Variants in NRXN1 observed in about 807,000 individuals in gnomAD.
NRXN1 encodes neurexin-1.
A neutral mutation model predicts 150.9 loss-of-function variants in NRXN1; 39 were observed. The observed-to-expected ratio is 0.26, with a 90% CI of 0.20 to 0.34. The LOEUF (loss-of-function observed/expected upper bound fraction) is 0.34, where lower values mean the gene tolerates loss of function less well. Among genes scored for constraint, NRXN1 ranks in the 10% least tolerant of loss-of-function variants. The probability of loss-of-function intolerance (pLI) is 1.00; values close to 1 mark genes in which losing one functional copy is unlikely to be tolerated. For synonymous variants in NRXN1, 924 were observed against 757.0 expected, an observed-to-expected ratio of 1.22 and a Z score of -3.62; for missense variants, 1,815 against 1,949.9, an observed-to-expected ratio of 0.93 and a Z score of 1.30.
chr2:50,112,404 G>T (rs1702492414), intron 18 of NRXN1, among the ~76,000 whole-genome samples: 1 of 152,142 alleles, frequency 6.6e-6, no homozygotes, highest in African/African-American at 2.4e-5. Flanking sequence ...ACTGAAGCTG[G>T]TCCCTTCGTT....
chr2:50,942,935 C>T (rs1005782888), intron 2 of NRXN1, among the ~76,000 whole-genome samples: 2 of 152,132 alleles, frequency 1.3e-5, no homozygotes, highest in African/African-American at 4.8e-5. Context: ...CTGTGTCCCA[C>T]CCAAACCTTA....
At chr2:50,802,500 TGGAAGGAAGGAAGGAAGGA>T (rs1388653630) in intron 5 of NRXN1, among the ~76,000 whole-genome samples, 1 of 88,330 alleles carries the variant, frequency 1.1e-5, no homozygotes, top group African/African-American at 4.2e-5. Context: ...GAAAGAGAAA[TGGAAGGAAGGAAGGAAGGA>T]AGGAAGGAAG....
At chr2:50,617,485 A>G (rs997519089) in intron 8 of NRXN1, among the ~76,000 whole-genome samples, 19 of 152,112 alleles carry the variant, frequency 1.2e-4, no homozygotes, top group African/African-American at 4.3e-4. Context: ...TTATAGATTA[A>G]TTGTGCTGAT....
At chr2:50,164,853 T>G (rs2059578639) in intron 18 of NRXN1, among the ~76,000 whole-genome samples, 1 of 152,110 alleles carries the variant, frequency 6.6e-6, no homozygotes, top group Admixed American at 6.5e-5. Flanking sequence ...AACTCCAAAA[T>G]AAATAAAGAC....
At chr2:50,185,620 A>AAGATCTGGATGCAGT (rs1428519211) in intron 18 of NRXN1, 1 of 152,066 alleles carries the variant, frequency 6.6e-6, no homozygotes, top group African/African-American at 2.4e-5. Flanking sequence ...CTGGATGCAG[A>AAGATCTGGATGCAGT]AGATCTGGAT....
At chr2:50,708,034 AACC>A (rs1267742780) in intron 5 of NRXN1, among the ~76,000 whole-genome samples, 1 of 152,220 alleles carries the variant, frequency 6.6e-6, no homozygotes, top group Non-Finnish European at 1.5e-5. Flanking sequence ...ATATAGAAGT[AACC>A]TACTAATCTT....
At chr2:50,280,838 CTGTTTT>C (rs2071335100) in intron 17 of NRXN1, among the ~76,000 whole-genome samples, 1 of 151,742 alleles carries the variant, frequency 6.6e-6, no homozygotes, top group Non-Finnish European at 1.5e-5. Flanking sequence ...GGAGGTTTTC[CTGTTTT>C]TGTTTGGTTT....
At chr2:50,973,980 TGA>T (rs977991679) in intron 2 of NRXN1, among the ~76,000 whole-genome samples, 2 of 148,324 alleles carry the variant, frequency 1.3e-5, no homozygotes, top group Non-Finnish European at 3.0e-5. Flanking sequence ...CTTGCACTCA[TGA>T]GATAATACAT....
At chr2:50,418,232 A>G (rs1481507739) in intron 17 of NRXN1, among the ~76,000 whole-genome samples, 1 of 152,024 alleles carries the variant, frequency 6.6e-6, no homozygotes, top group African/African-American at 2.4e-5. Flanking sequence ...ATATCTCTAA[A>G]GCAAGCAGGA....
chr2:50,788,372 C>G (rs1419500366), intron 5 of NRXN1, among the ~76,000 whole-genome samples: 1 of 152,040 alleles, frequency 6.6e-6, no homozygotes, highest in South Asian at 2.1e-4. Context: ...CAGGCATGAG[C>G]CACCGCGCCC....
intron 12 of NRXN1, among the ~76,000 whole-genome samples, chr2:50,509,638 A>T (rs2092375342): frequency 6.6e-6 from 1 of 152,162 alleles, no homozygotes; most frequent in African/African-American, 2.4e-5. Context: ...AGATGGTTTA[A>T]CTGTTGAAAT....
chr2:50,534,810 G>T (rs1272626095), intron 10 of NRXN1, among the ~76,000 whole-genome samples: 1 of 151,984 alleles, frequency 6.6e-6, no homozygotes, highest in Non-Finnish European at 1.5e-5. Context: ...ATATTCTTCT[G>T]GGAAAAGTAG....
At position 50,687,153 on chromosome 2, in the gene NRXN1, T is replaced by C. The variant is rs370971377; in HGVS notation, c.833-63538A>G. Among the ~76,000 whole-genome samples the C allele has an allele frequency of 4.6e-5, 7 of 152,272 alleles. No homozygotes were observed. In the South Asian group the frequency reaches 8.3e-4, roughly 18 times the overall value. ...ATTGACACTATTTACAACCAAATTA[T>C]AGGAAAAAGTCAGTAGGGTATTTAA... is the stretch of plus-strand genomic sequence containing the variant. On this transcript the variant is annotated intron_variant, in intron 5 of 22. Coordinates refer to ENST00000401669, the MANE Select transcript of NRXN1 (RefSeq NM_001330078.2).
chr2:50,512,323 G>C (rs548488655), intron 12 of NRXN1, among the ~76,000 whole-genome samples: 5 of 152,278 alleles, frequency 3.3e-5, no homozygotes, highest in East Asian at 1.9e-4. Context: ...AGTGAAGCCA[G>C]AGGACAATAT....
At chr2:50,513,107 C>T (rs2092514592) in intron 12 of NRXN1, among the ~76,000 whole-genome samples, 1 of 152,054 alleles carries the variant, frequency 6.6e-6, no homozygotes, top group Non-Finnish European at 1.5e-5. Flanking sequence ...GATAATAATG[C>T]CTACCTTATT....
intron 5 of NRXN1, among the ~76,000 whole-genome samples, chr2:50,719,472 C>G (rs754430897): frequency 2.6e-5 from 4 of 151,924 alleles, no homozygotes; most frequent in Admixed American, 6.6e-5. Context: ...GTCAGGAGTT[C>G]GAGACCAGCC....
At chr2:50,501,702 G>C (rs1467705079) in intron 13 of NRXN1, among the ~76,000 whole-genome samples, 2 of 151,432 alleles carry the variant, frequency 1.3e-5, no homozygotes, top group Non-Finnish European at 2.9e-5. Flanking sequence ...TTGAAGCCCA[G>C]TGACTTCCCA....
chr2:50,429,171 C>T (rs552333481), intron 17 of NRXN1, among the ~76,000 whole-genome samples: 2 of 152,074 alleles, frequency 1.3e-5, no homozygotes, highest in African/African-American at 2.4e-5. Flanking sequence ...CAGCTCTCAT[C>T]GACTCCTAAC....
intron 5 of NRXN1, among the ~76,000 whole-genome samples, chr2:50,724,192 A>G (rs1453462889): frequency 1.3e-5 from 2 of 150,368 alleles, no homozygotes; most frequent in Non-Finnish European, 3.0e-5. Context: ...CTGGGTCTTA[A>G]TAGTATCTGA....
Sources: allele counts gnomAD v4.1 joint callset (sites outside exome capture counted in the v4.1 genomes callset), GRCh38; gene constraint gnomAD v4.1.1; transcripts MANE v1.5; gene names NCBI Gene and HGNC (gene_info 2026-07-23, HGNC 2026-07-21).